Variants in DENND2B observed in about 807,000 individuals in gnomAD.
The protein encoded by DENND2B is DENN domain containing 2B.
Under a neutral mutation model 116.0 loss-of-function variants are expected in DENND2B, and 32 were observed. The ratio of observed to expected loss-of-function variants is 0.28; its 90% CI spans 0.21 to 0.37. The LOEUF is 0.37. Among genes scored for constraint, DENND2B ranks in the 10% least tolerant of loss-of-function variants. The pLI is 1.00. For missense variants in DENND2B, 1,276 were observed against 1,477.7 expected (o/e 0.86, Z 2.24); for synonymous variants, 588 against 583.9 (o/e 1.01, Z -0.10).
intron 3 of DENND2B, among the ~76,000 whole-genome samples, chr11:8,842,549 C>T (rs527761041): frequency 1.8e-4 from 28 of 152,144 alleles, no homozygotes; most frequent in African/African-American, 5.8e-4. Flanking sequence ...GGTATCGACT[C>T]GACCCTTTAT....
Position 8,707,045 on chromosome 11 carries a change from C to T in DENND2B, c.2571+40G>A. 1.3e-6 allele frequency: 2 copies of T among 1,589,996 alleles called. No individual in the cohort carries two copies. Among genetic ancestry groups the T allele is most frequent in the Non-Finnish European group, 1.7e-6 (2 of 1,166,108 alleles). On this transcript the variant is annotated intron_variant, in intron 13 of 19. Transcript: ENST00000313726. This position sits in a 1 kb window ranked among gnomAD's most constrained non-coding sequence, Gnocchi z 4.8. ...GGCCAGCATGGTCCTCCTGCCACCC[C>T]AGCCCGTAGCCCGAGAGAAGAGGGT...
At chr11:8,706,052 C>T (rs956462238) in intron 13 of DENND2B, among the ~76,000 whole-genome samples, 11 of 152,144 alleles carry the variant, frequency 7.2e-5, no homozygotes, top group African/African-American at 2.4e-4. Context: ...CAAGACCAGC[C>T]TGGGCAACAG....
At chr11:8,892,359 A>T (rs560099563) in intron 1 of DENND2B, among the ~76,000 whole-genome samples, 3,527 of 152,292 alleles carry the variant, frequency 0.023, 48 homozygotes, top group Middle Eastern at 0.034. Context: ...GAGCAAACAC[A>T]TTCAAAAGCT....
intron 3 of DENND2B, among the ~76,000 whole-genome samples, chr11:8,843,081 A>G (rs1314788842): frequency 6.6e-6 from 1 of 151,728 alleles, no homozygotes; most frequent in East Asian, 1.9e-4. Flanking sequence ...CAGTGGCGCG[A>G]TCTCGGCTCA....
Position 8,863,724 on chromosome 11 carries a change from C to A in DENND2B, c.-249-6288G>T, listed in dbSNP as rs116288787. Among the ~76,000 whole-genome samples the A allele has an allele frequency of 6.0e-3, 913 of 152,244 alleles. 11 individuals carry two copies. The highest frequency in any genetic ancestry group is 0.021 in the African/African-American group (870 of 41,540). On this transcript the variant is annotated intron_variant, in intron 2 of 6. Transcript: ENST00000524757. ...CTTAAGTGCCATTTTTCCATGTTAA[C>A]CCACAGCACCAAATACTCATTTGCA...
chr11:8,784,942 A>T (rs2058755842), intron 1 of DENND2B, among the ~76,000 whole-genome samples: 1 of 152,172 alleles, frequency 6.6e-6, no homozygotes, highest in South Asian at 2.1e-4. Flanking sequence ...AAACATCTAC[A>T]ACTTGAAACT....
intron 13 of DENND2B, among the ~76,000 whole-genome samples, chr11:8,705,217 G>A (rs1300013686): frequency 6.6e-6 from 1 of 152,094 alleles, no homozygotes; most frequent in African/African-American, 2.4e-5. Context: ...TCCCTAACAA[G>A]CTTCCCTAGT....
intron 2 of DENND2B, among the ~76,000 whole-genome samples, chr11:8,744,816 T>C (rs2050934552): frequency 6.6e-6 from 1 of 152,134 alleles, no homozygotes; most frequent in South Asian, 2.1e-4. Flanking sequence ...GTAGCAGATA[T>C]ACATTCTCTT....
intron 4 of DENND2B, chr11:8,718,096 A>AACCCCCCCCCCCCCCCCCCCCCCCC: frequency 1.5e-5 from 1 of 65,006 alleles, no homozygotes; most frequent in South Asian, 1.1e-4. Flanking sequence ...AAGCAGACCC[A>AACCCCCCCCCCCCCCCCCCCCCCCC]CCCCCCCACC....
chr11:8,703,912 G>C (rs1241462970), intron 13 of DENND2B, among the ~76,000 whole-genome samples: 1 of 152,204 alleles, frequency 6.6e-6, no homozygotes, highest in East Asian at 1.9e-4. Context: ...CTCACAGAAA[G>C]AAGTAGCACA....
intron 1 of DENND2B, chr11:8,776,211 C>G (rs1198338148): frequency 3.3e-5 from 15 of 450,784 alleles, no homozygotes; most frequent in Admixed American, 2.6e-4. Context: ...GGCAGGACAC[C>G]TTCTGCTCCA....
Position 8,715,683 on chromosome 11 carries a change from A to G in DENND2B, c.1765T>C (p.Ser589Pro). The G allele has an allele frequency of 6.2e-7, 1 of 1,614,196 alleles. No individual in the cohort carries two copies. Among genetic ancestry groups the G allele is most frequent in the Non-Finnish European group, 8.5e-7 (1 of 1,180,036 alleles). Residue 589 changes from serine (S) to proline (P), a missense_variant, in exon 6 of 20, where the codon TCA becomes CCA. By Grantham distance (74) the Ser-to-Pro change is moderately conservative. This residue lies in a region of DENND2B where 856 missense variants were observed against 846.6 expected (regional missense o/e 1.01). Coordinates refer to ENST00000313726, the MANE Select transcript of DENND2B (RefSeq NM_213618.2). Reference protein sequence around the residue: ...LLLAQLSLPSSPSSLNEDSLS... With the variant: ...LLLAQLSLPSPPSSLNEDSLS... ...CTGTCTTCATTGAGGCTGGAGGGTG[A>G]GGACGGCAGACTCAGCTGAGCCAGC...
At chr11:8,699,765 C>G (rs1341736374) in intron 14 of DENND2B, 1 of 439,746 alleles carries the variant, frequency 2.3e-6, no homozygotes, top group Non-Finnish European at 4.5e-6. Context: ...TGGGTACCCT[C>G]TCCCACCCCA....
At chr11:8,694,474 T>TA (rs1290659218) in intron 19 of DENND2B, 1 of 462,474 alleles carries the variant, frequency 2.2e-6, no homozygotes, top group African/African-American at 2.0e-5. Flanking sequence ...GCAGACCTGT[T>TA]ATGGTCTAGA....
At chr11:8,703,877 A>C (rs781348509) in intron 13 of DENND2B, among the ~76,000 whole-genome samples, 1 of 152,132 alleles carries the variant, frequency 6.6e-6, no homozygotes, top group Non-Finnish European at 1.5e-5. Flanking sequence ...TGCTGGGTAC[A>C]CCCCAAATGG....
intron 1 of DENND2B, among the ~76,000 whole-genome samples, chr11:8,753,954 G>A (rs1203981208): frequency 2.0e-5 from 3 of 151,312 alleles, no homozygotes; most frequent in Non-Finnish European, 4.4e-5. Flanking sequence ...CAAAAGCAAC[G>A]CTGGAAGAAA....
chr11:8,755,351 GATAAAA>G lies in DENND2B; in HGVS notation c.-25-4632_-25-4627del, dbSNP rs1269772271. 2.6e-5 allele frequency among the ~76,000 whole-genome samples: 4 copies of G among 152,212 alleles called. No individual in the cohort carries two copies. In the East Asian group the frequency reaches 7.7e-4, roughly 29 times the overall value. ...GTGCAAATAAGTGATTGGTTTTGATGATAAAAATAAGTCAAGTCCTAATTCTTGATA... is the reference window on the plus strand; with the variant it reads ...GTGCAAATAAGTGATTGGTTTTGATGATAAGTCAAGTCCTAATTCTTGATA... On this transcript the variant is annotated intron_variant, in intron 1 of 19. Transcript: ENST00000313726.
intron 14 of DENND2B, 81 bp from the exon 15 acceptor site, chr11:8,699,471 G>T: frequency 7.1e-7 from 1 of 1,407,758 alleles, no homozygotes; most frequent in Non-Finnish European, 9.5e-7. Context: ...GACAGCCTTT[G>T]ATCGTAAACC....
intron 2 of DENND2B, among the ~76,000 whole-genome samples, chr11:8,740,703 C>T (rs115145203): frequency 1.3e-5 from 2 of 152,180 alleles, no homozygotes; most frequent in Non-Finnish European, 1.5e-5. Flanking sequence ...TCCATCCCTA[C>T]TAAGCAATGT....
Sources: allele counts gnomAD v4.1 joint callset (sites outside exome capture counted in the v4.1 genomes callset), GRCh38; gene constraint gnomAD v4.1.1; regional missense constraint gnomAD v4.1.1; non-coding constraint Gnocchi (gnomAD v3.1); transcripts MANE v1.5; gene names NCBI Gene and HGNC (gene_info 2026-07-23, HGNC 2026-07-21).